Variants in C12orf54 observed in about 807,000 individuals in gnomAD.
C12orf54 encodes uncharacterized protein C12orf54.
In C12orf54, 24 loss-of-function variants were observed where a neutral mutation model predicts 26.4. That is an observed-to-expected ratio of 0.91 (90% CI 0.66 to 1.28). The LOEUF is 1.28. C12orf54 is among the 50% of genes most tolerant of loss of function. C12orf54 has a pLI of 0.00. For missense variants in C12orf54, 154 were observed against 150.9 expected (o/e 1.02, Z -0.11); for synonymous variants, 54 against 47.0 (o/e 1.15, Z -0.61).
At chr12:48,464,197 G>A in the C12orf54 span, among the ~76,000 whole-genome samples, 15 of 151,920 alleles carry the variant, frequency 9.9e-5, no homozygotes, top group Non-Finnish European at 1.5e-4. Context: ...TGGCCCAAAA[G>A]CTCCTTCAGC....
At chr12:48,424,679 G>A in the C12orf54 span, among the ~76,000 whole-genome samples, 1 of 152,136 alleles carries the variant, frequency 6.6e-6, no homozygotes, top group Non-Finnish European at 1.5e-5. Context: ...TACTTACCAT[G>A]TGGCCCAGCA....
At chr12:48,432,619 C>A in the C12orf54 span, among the ~76,000 whole-genome samples, 2 of 152,156 alleles carry the variant, frequency 1.3e-5, no homozygotes, top group African/African-American at 4.8e-5. Flanking sequence ...CCTGTAATCC[C>A]AGCACTTTGG....
the C12orf54 span, among the ~76,000 whole-genome samples, chr12:48,430,829 A>G: frequency 1.3e-5 from 2 of 152,186 alleles, no homozygotes; most frequent in African/African-American, 4.8e-5. Flanking sequence ...ATCATTACAC[A>G]AAAAAGATAC....
chr12:48,424,495 A>G, the C12orf54 span, among the ~76,000 whole-genome samples: 1 of 151,996 alleles, frequency 6.6e-6, no homozygotes, highest in Non-Finnish European at 1.5e-5. Flanking sequence ...TTTTTAAGTA[A>G]AAATTCAATT....
chr12:48,457,288 TGG>T, the C12orf54 span, among the ~76,000 whole-genome samples: 4,763 of 82,798 alleles, frequency 0.058, 87 homozygotes, highest in Non-Finnish European at 0.1. Context: ...TTGTTGTTGG[TGG>T]TGGTGGTGGT....
the C12orf54 span, among the ~76,000 whole-genome samples, chr12:48,421,696 A>G: frequency 6.6e-6 from 1 of 151,558 alleles, no homozygotes; most frequent in Non-Finnish European, 1.5e-5. Flanking sequence ...CACCTGGCTA[A>G]TTTTTGTATT....
the C12orf54 span, chr12:48,442,457 A>C: frequency 1.3e-5 from 2 of 154,718 alleles, no homozygotes; most frequent in African/African-American, 4.8e-5. Flanking sequence ...ACAGAAGTCT[A>C]AATTGAGAGC....
the C12orf54 span, among the ~76,000 whole-genome samples, chr12:48,416,113 T>TA: frequency 5.3e-5 from 8 of 152,160 alleles, no homozygotes; most frequent in South Asian, 2.1e-4. Context: ...TCAATTTTAG[T>TA]AAAAAAATAC....
the C12orf54 span, among the ~76,000 whole-genome samples, chr12:48,426,465 C>A: frequency 6.6e-6 from 1 of 151,992 alleles, no homozygotes; most frequent in Non-Finnish European, 1.5e-5. Context: ...ATAACAGTAC[C>A]ATGTTGTATT....
chr12:48,494,085 G>GTT (rs1565573737), intron 7 of C12orf54, among the ~76,000 whole-genome samples: 1 of 115,168 alleles, frequency 8.7e-6, no homozygotes, highest in Non-Finnish European at 1.8e-5. Flanking sequence ...TGGGCGTGGT[G>GTT]GCAGGTGCCT....
the C12orf54 span, among the ~76,000 whole-genome samples, chr12:48,424,728 T>A: frequency 1.3e-5 from 2 of 152,150 alleles, no homozygotes; most frequent in African/African-American, 4.8e-5. Flanking sequence ...GATGATCACA[T>A]ATGTCTTCAC....
chr12:48,479,736 TA>T (rs1192683526), upstream of C12orf54, among the ~76,000 whole-genome samples: 1 of 152,036 alleles, frequency 6.6e-6, no homozygotes, highest in Non-Finnish European at 1.5e-5. Flanking sequence ...GGTTGCTTCA[TA>T]AGTGACATGT....
the C12orf54 span, among the ~76,000 whole-genome samples, chr12:48,470,944 G>A: frequency 2.0e-5 from 3 of 151,982 alleles, no homozygotes; most frequent in African/African-American, 7.2e-5. Flanking sequence ...ATCCCCAGAA[G>A]CATTTATCTT....
chr12:48,431,766 A>C, the C12orf54 span, among the ~76,000 whole-genome samples: 1 of 152,304 alleles, frequency 6.6e-6, no homozygotes, highest in African/African-American at 2.4e-5. Flanking sequence ...GAATAGGCAA[A>C]TCTATATACA....
chr12:48,477,850 C>T (rs1419744173), upstream of C12orf54, among the ~76,000 whole-genome samples: 4 of 152,182 alleles, frequency 2.6e-5, no homozygotes, highest in Admixed American at 6.5e-5. Flanking sequence ...CCTTCTGAAA[C>T]TATTCCAATC....
At chr12:48,488,890 A>G (rs1937719972) in intron 4 of C12orf54, 34 bp from the exon 5 acceptor site, 1 of 1,536,646 alleles carries the variant, frequency 6.5e-7, no homozygotes. Flanking sequence ...ATCATCTACA[A>G]TATTATTTTT....
chr12:48,493,334 TAAAG>T (rs1439593856), intron 7 of C12orf54, among the ~76,000 whole-genome samples: 1 of 152,036 alleles, frequency 6.6e-6, no homozygotes. Context: ...AAAGAAGGAA[TAAAG>T]AATCAAGGAC....
chr12:48,440,236 A>G, the C12orf54 span, among the ~76,000 whole-genome samples: 1 of 151,960 alleles, frequency 6.6e-6, no homozygotes, highest in Non-Finnish European at 1.5e-5. Flanking sequence ...AAAAAAAAAA[A>G]GAAAGTATTC....
chr12:48,462,793 C>G, the C12orf54 span, among the ~76,000 whole-genome samples: 1 of 151,670 alleles, frequency 6.6e-6, no homozygotes, highest in African/African-American at 2.4e-5. Context: ...TAACATAATA[C>G]TTCATAGTAA....
Sources: allele counts gnomAD v4.1 joint callset (sites outside exome capture counted in the v4.1 genomes callset), GRCh38; gene constraint gnomAD v4.1.1; transcripts MANE v1.5; gene names NCBI Gene and HGNC (gene_info 2026-07-23, HGNC 2026-07-21).